Variants in PDE8B observed in about 807,000 individuals in gnomAD.
The protein encoded by PDE8B is phosphodiesterase 8B.
Under a neutral mutation model 101.3 loss-of-function variants are expected in PDE8B, and 26 were observed. That is an observed-to-expected ratio of 0.26 (90% CI 0.19 to 0.36). The LOEUF is 0.36. Among genes scored for constraint, PDE8B ranks in the 10% least tolerant of loss-of-function variants. PDE8B has a pLI of 1.00. For missense variants in PDE8B, 810 were observed against 1,163.1 expected, an observed-to-expected ratio of 0.70 and a Z score of 4.42; for synonymous variants, 424 against 429.3, an observed-to-expected ratio of 0.99 and a Z score of 0.15.
intron 1 of PDE8B, among the ~76,000 whole-genome samples, chr5:77,222,661 A>G (rs957220132): frequency 6.6e-5 from 10 of 152,154 alleles, no homozygotes; most frequent in African/African-American, 2.2e-4. Flanking sequence ...CTTCTGTGGG[A>G]AGGCAATGTG....
chr5:77,336,313 C>A (rs1778180444), intron 5 of PDE8B, among the ~76,000 whole-genome samples: 1 of 152,154 alleles, frequency 6.6e-6, no homozygotes, highest in African/African-American at 2.4e-5. Context: ...GAGTGAGAAC[C>A]TGTTGCAAAA....
At chr5:77,285,961 G>A (rs907099797) in intron 1 of PDE8B, among the ~76,000 whole-genome samples, 1 of 152,042 alleles carries the variant, frequency 6.6e-6, no homozygotes, top group African/African-American at 2.4e-5. Context: ...TTTTGGCTGA[G>A]AGTTCTTCTT....
In PDE8B at chr5:77,267,123, C is replaced by T. The variant is rs938403109; in HGVS notation, c.340-44871C>T. 2.6e-5 allele frequency among the ~76,000 whole-genome samples: 4 copies of T among 152,012 alleles called. No individual in the cohort carries two copies. The South Asian group carries it at 8.3e-4, about 31-fold the overall frequency. ...TGACTCATTCACCACTTCTTACTTCCTGGAGGTTTAGTACCACTCTTAAAA... is the reference window on the plus strand; with the variant it reads ...TGACTCATTCACCACTTCTTACTTCTTGGAGGTTTAGTACCACTCTTAAAA... On this transcript the variant is annotated intron_variant, in intron 1 of 21. Coordinates refer to ENST00000264917, the MANE Select transcript of PDE8B (RefSeq NM_003719.5).
At chr5:77,262,237 G>A (rs576538499) in intron 1 of PDE8B, among the ~76,000 whole-genome samples, 2 of 152,014 alleles carry the variant, frequency 1.3e-5, no homozygotes, top group South Asian at 4.2e-4. Flanking sequence ...GAGAAGCAGG[G>A]GACAGACTGA....
chr5:77,280,709 C>T (rs2149843588), intron 1 of PDE8B, among the ~76,000 whole-genome samples: 1 of 152,260 alleles, frequency 6.6e-6, no homozygotes, highest in South Asian at 2.1e-4. Context: ...GCCTGACCAA[C>T]ATGGTGAAAC....
chr5:77,327,872 C>A (rs191040360), intron 3 of PDE8B, among the ~76,000 whole-genome samples: 1 of 152,100 alleles, frequency 6.6e-6, no homozygotes, highest in Non-Finnish European at 1.5e-5. Context: ...GGGAGCCTTC[C>A]CCCCACACAG....
the PDE8B span, among the ~76,000 whole-genome samples, chr5:77,092,211 T>C: frequency 5.3e-5 from 8 of 152,318 alleles, no homozygotes; most frequent in African/African-American, 1.9e-4. Flanking sequence ...TGTGAGTCAG[T>C]GCTTAAATTT....
chr5:77,268,797 A>G lies in PDE8B; in HGVS notation c.340-43197A>G, dbSNP rs116084927. Among the ~76,000 whole-genome samples, 814 of 151,108 alleles carry G rather than the reference A, an allele frequency of 5.4e-3. 3 individuals are homozygous for G. The highest frequency in any genetic ancestry group is 0.027 in the Middle Eastern group (8 of 292). On this transcript the variant is annotated intron_variant, in intron 1 of 21. Transcript: ENST00000264917. ...AAAGAAAATGTGGTAACTCTCTTCT[A>G]ACTATCTCCTAACTATCCATCAACA...
chr5:77,400,730 A>G (rs1169564815), intron 11 of PDE8B, among the ~76,000 whole-genome samples: 1 of 152,144 alleles, frequency 6.6e-6, no homozygotes, highest in Non-Finnish European at 1.5e-5. Flanking sequence ...CAGAAGCACC[A>G]AGTTCCTATT....
At chr5:77,254,842 A>G (rs903007182) in intron 1 of PDE8B, among the ~76,000 whole-genome samples, 3 of 152,214 alleles carry the variant, frequency 2.0e-5, no homozygotes, top group Admixed American at 6.5e-5. Context: ...AGAGCTCACT[A>G]TATTTCTTCA....
intron 14 of PDE8B, among the ~76,000 whole-genome samples, chr5:77,409,582 C>T (rs1035903665): frequency 1.3e-5 from 2 of 152,014 alleles, no homozygotes; most frequent in Non-Finnish European, 2.9e-5. Flanking sequence ...GGAGAAGGAA[C>T]CTCTCACTGC....
At chr5:77,240,354 C>T (rs894965869) in intron 1 of PDE8B, among the ~76,000 whole-genome samples, 28 of 152,106 alleles carry the variant, frequency 1.8e-4, no homozygotes, top group African/African-American at 6.0e-4. Flanking sequence ...GGGGTTTCAC[C>T]GTGTTAGCCA....
intron 1 of PDE8B, among the ~76,000 whole-genome samples, chr5:77,250,604 C>T (rs938025753): frequency 2.0e-5 from 3 of 152,172 alleles, no homozygotes; most frequent in Admixed American, 1.3e-4. Context: ...TTCCATGTGA[C>T]GATGACTTTT....
At chr5:77,216,569 T>C (rs763437326) in intron 1 of PDE8B, among the ~76,000 whole-genome samples, 1 of 152,174 alleles carries the variant, frequency 6.6e-6, no homozygotes, top group Non-Finnish European at 1.5e-5. Flanking sequence ...TTATGGAAGC[T>C]ACAATTCAAG....
At chr5:77,352,083 A>T (rs1463514655) in intron 9 of PDE8B, among the ~76,000 whole-genome samples, 1 of 152,168 alleles carries the variant, frequency 6.6e-6, no homozygotes, top group Non-Finnish European at 1.5e-5. Context: ...CTGGTATTTC[A>T]TGCCATTTTG....
rs771945212 is a variant in PDE8B, at chr5:77,211,075, C to T, written c.150C>T (p.Ala50=). 6 of 1,505,668 alleles carry T rather than the reference C, an allele frequency of 4.0e-6. No individual in the cohort carries two copies. The highest frequency in any genetic ancestry group is 2.1e-5 in the Admixed American group (1 of 47,444). The allele number at this position is 1,505,668 out of a possible 1,614,324, so 93.3% of individuals were successfully genotyped here. ...LPGLFVQTDA[A]DAIPPSRASG... ...GCCTCTTCGTCCAGACCGACGCCGC[C>T]GACGCCATCCCCCCGAGCCGCGCGT... The change falls in exon 1 of 22, where the codon GCC becomes GCT. Residue 50 remains alanine, a synonymous_variant. Coordinates refer to ENST00000264917, the MANE Select transcript of PDE8B (RefSeq NM_003719.5). This position sits in a 1 kb window ranked among gnomAD's most constrained non-coding sequence, Gnocchi z 4.1.
intron 1 of PDE8B, among the ~76,000 whole-genome samples, chr5:77,241,729 G>A (rs549379784): frequency 4.6e-5 from 7 of 152,296 alleles, no homozygotes; most frequent in East Asian, 3.9e-4. Flanking sequence ...CAAAGTTCAC[G>A]TTGGCCATCA....
intron 1 of PDE8B, among the ~76,000 whole-genome samples, chr5:77,216,606 A>G (rs1223587851): frequency 6.6e-6 from 1 of 152,188 alleles, no homozygotes; most frequent in African/African-American, 2.4e-5. Context: ...GACACAGCCA[A>G]ACCATATCAG....
In PDE8B at chr5:77,326,819, T is replaced by C. The variant is rs1776139433; in HGVS notation, c.590+1090T>C. ...CTTCACTTACTTTTCCTATGTAGTT[T>C]TGTAGTAGAAATATCACACTTCTTT... On this transcript the variant is annotated intron_variant, in intron 3 of 21. Transcript: ENST00000264917. Among the ~76,000 whole-genome samples, 3 of 152,324 alleles carry C rather than the reference T, an allele frequency of 2.0e-5. No individual in the cohort carries two copies. In the East Asian group the frequency reaches 5.8e-4, roughly 29 times the overall value.
Sources: allele counts gnomAD v4.1 joint callset (sites outside exome capture counted in the v4.1 genomes callset), GRCh38; gene constraint gnomAD v4.1.1; non-coding constraint Gnocchi (gnomAD v3.1); transcripts MANE v1.5; gene names NCBI Gene and HGNC (gene_info 2026-07-23, HGNC 2026-07-21).